CROCC: variants seen among roughly 807,000 people sequenced by gnomAD.
The protein encoded by CROCC is rootletin.
CROCC carries 180 observed loss-of-function variants against 245.2 expected under a neutral mutation model. The ratio of observed to expected loss-of-function variants is 0.73; its 90% CI spans 0.65 to 0.83. The LOEUF is 0.83. Ranked by LOEUF, CROCC falls within the 40% of genes least tolerant of loss-of-function variation. The pLI is 0.00. For missense variants in CROCC, 2,688 were observed against 2,779.4 expected (o/e 0.97, Z 0.74); for synonymous variants, 1,205 against 1,241.6 (o/e 0.97, Z 0.62).
chr1:16,922,217 T>C, intron 1 of CROCC, 139 bp downstream of exon 1: 1 of 876,424 alleles, frequency 1.1e-6, no homozygotes, highest in Non-Finnish European at 1.7e-6. Context: ...GGCCCCCCGC[T>C]TGCAGTTCCT....
At chr1:16,965,642 A>G in intron 27 of CROCC, 81 bp from the exon 28 acceptor site, 1 of 1,039,614 alleles carries the variant, frequency 9.6e-7, no homozygotes. Context: ...GGCTGTTGGG[A>G]AAGGCAGGGA....
In CROCC at chr1:16,969,878, G is replaced by A; in HGVS notation, c.5395G>A (p.Ala1799Thr). The A allele has an allele frequency of 2.5e-6, 4 of 1,611,230 alleles. No homozygotes were observed. The Admixed American group carries it at 6.7e-5, about 27-fold the overall frequency. ...GGTGCAGACGTTGCGAGGCGAGGTG[G>A]CTGACCTGGAACTGCAGCGGGTGGA... ...EQVQTLRGEV[A>T]DLELQRVEAE... The change falls in exon 33 of 37, where the codon GCT becomes ACT. Residue 1799 changes from alanine (A) to threonine (T), a missense_variant. Around this residue, in one of 9 missense-constraint regions of CROCC, gnomAD observed 1,218 missense variants for 1,286.3 expected, o/e 0.95. Transcript: ENST00000375541.
chr1:16,914,416 C>T (rs2075282518), intron 1 of CROCC, among the ~76,000 whole-genome samples: 2 of 152,252 alleles, frequency 1.3e-5, no homozygotes, highest in Non-Finnish European at 2.9e-5. Context: ...CTCCGCCGGC[C>T]GGGGTCCCCT....
intron 19 of CROCC, among the ~76,000 whole-genome samples, 193 bp from the exon 20 acceptor site, chr1:16,950,759 GC>G (rs2076145594): frequency 6.6e-6 from 1 of 152,226 alleles, no homozygotes; most frequent in East Asian, 1.9e-4. Context: ...AGGGGTCAGG[GC>G]CAGTGGGCCC....
At chr1:16,960,426 A>G (rs2076311417) in intron 26 of CROCC, among the ~76,000 whole-genome samples, 2 of 152,210 alleles carry the variant, frequency 1.3e-5, no homozygotes, top group Non-Finnish European at 2.9e-5. Flanking sequence ...AGTGAGATCG[A>G]TTCATAGAGT....
intron 5 of CROCC, 29 bp downstream of exon 5, chr1:16,930,236 C>A (rs1157454868): frequency 2.5e-6 from 4 of 1,585,922 alleles, no homozygotes; most frequent in Non-Finnish European, 2.6e-6. Flanking sequence ...CAGGGGCAGG[C>A]CCTGCCCTCC....
intron 19 of CROCC, among the ~76,000 whole-genome samples, chr1:16,949,785 T>C (rs546908984): frequency 1.3e-5 from 2 of 152,246 alleles, no homozygotes; most frequent in African/African-American, 2.4e-5. Context: ...TTTGTTTGTT[T>C]TGAGACAGAG....
At chr1:16,923,878 G>A (rs60746836) in intron 2 of CROCC, among the ~76,000 whole-genome samples, 14,468 of 147,142 alleles carry the variant, frequency 0.098, no homozygotes, top group Non-Finnish European at 0.11. Context: ...ACAGGGCTTC[G>A]CCGTGTTGGC....
intron 27 of CROCC, among the ~76,000 whole-genome samples, chr1:16,961,968 C>T (rs746885018): frequency 3.9e-5 from 6 of 152,184 alleles, no homozygotes; most frequent in Non-Finnish European, 8.8e-5. Context: ...CTGCCATATA[C>T]TCCCACATAC....
At chr1:16,914,847 C>T (rs1348758581) in intron 1 of CROCC, among the ~76,000 whole-genome samples, 3 of 152,282 alleles carry the variant, frequency 2.0e-5, no homozygotes, top group African/African-American at 4.8e-5. Context: ...CTTGGGAAGA[C>T]GATTGACTGG....
At chr1:16,927,928 G>A (rs2075572956) in intron 3 of CROCC, among the ~76,000 whole-genome samples, 1 of 152,294 alleles carries the variant, frequency 6.6e-6, no homozygotes, top group Non-Finnish European at 1.5e-5. Context: ...TGGTGGGGCT[G>A]CCATGCACGT....
Position 16,946,751 on chromosome 1 carries a change from T to C in CROCC, c.2284-10T>C, listed in dbSNP as rs1265626267. ...CTGCTCACGAGGCCCCACTCCTACC[T>C]GGCCTCCAGCTGGAGGAAGAAAAGT... On this transcript the variant is annotated splice_polypyrimidine_tract_variant and intron_variant, in intron 16 of 36. Transcript: ENST00000375541. The C allele has an allele frequency of 6.4e-7, 1 of 1,550,554 alleles. No individual in the cohort carries two copies. Among genetic ancestry groups the C allele is most frequent in the Non-Finnish European group, 8.7e-7 (1 of 1,146,422 alleles).
At chr1:16,953,034 G>A (rs2076188754) in intron 20 of CROCC, 1 of 447,616 alleles carries the variant, frequency 2.2e-6, no homozygotes, top group Admixed American at 3.4e-5. Context: ...GCCTGGGGTG[G>A]TCTTTTCTCT....
Position 16,922,644 on chromosome 1 carries a change from C to G in CROCC, c.61-19C>G, listed in dbSNP as rs375504614. On this transcript the variant is annotated intron_variant, in intron 1 of 36. Coordinates refer to ENST00000375541, the MANE Select transcript of CROCC (RefSeq NM_014675.5). ...CCCGGGTCCCATGTCCCCTGAAGAC[C>G]CTCTCGCTTTTCCCACAGACACTGG... 3.1e-5 allele frequency: 50 copies of G among 1,591,052 alleles called. No individual in the cohort carries two copies. Among genetic ancestry groups the G allele is most frequent in the Non-Finnish European group, 4.3e-5 (50 of 1,168,326 alleles).
rs2076407237 is a variant in CROCC at position 16,965,845 on chromosome 1, G to A, written c.4528G>A (p.Ala1510Thr). 1.2e-6 allele frequency: 2 copies of A among 1,613,554 alleles called. No individual in the cohort carries two copies. The highest frequency in any genetic ancestry group is 1.3e-5 in the African/African-American group (1 of 74,946). The change falls in exon 28 of 37, where the codon GCC becomes ACC. Residue 1510 changes from alanine (A) to threonine (T), a missense_variant. Ala to Thr is a moderately conservative substitution (Grantham distance 58, BLOSUM62 0). Around this residue, in one of 9 missense-constraint regions of CROCC, gnomAD observed 1,218 missense variants for 1,286.3 expected, o/e 0.95. Coordinates refer to ENST00000375541, the MANE Select transcript of CROCC (RefSeq NM_014675.5). Reference sequence around the variant, plus strand: ...CCTGGACCCGGAGGCAGTGCGCGGGGCCCTCCGGGAATTCCTGCAAGAGCT... The same window carrying A: ...CCTGGACCCGGAGGCAGTGCGCGGGACCCTCCGGGAATTCCTGCAAGAGCT... ...PDLDPEAVRG[A>T]LREFLQELRS...
intron 24 of CROCC, among the ~76,000 whole-genome samples, chr1:16,955,765 C>T (rs2076240694): frequency 6.6e-6 from 1 of 152,006 alleles, no homozygotes; most frequent in Non-Finnish European, 1.5e-5. Flanking sequence ...AGACTCAGAC[C>T]CACCCACCGT....
chr1:16,967,850 C>T (rs537962073), intron 30 of CROCC, among the ~76,000 whole-genome samples: 1 of 152,302 alleles, frequency 6.6e-6, no homozygotes, highest in South Asian at 2.1e-4. Context: ...TGCATTTCTA[C>T]AGCCCCTCCT....
rs1490093706 is a variant in CROCC, at chr1:16,929,861, C to G, written c.367C>G (p.Arg123Gly). Reference protein sequence around the residue: ...AVSERLEQALRLEPGELETQE... With the variant: ...AVSERLEQALGLEPGELETQE... ...TTCCCTGCAGCTGGAGCAGGCTCTG[C>G]GGCTGGAGCCTGGGGAGCTGGAGAC... is the stretch of plus-strand genomic sequence containing the variant. Residue 123 changes from arginine to glycine, a missense_variant, in exon 4 of 37, where the codon CGG (arginine) becomes GGG (glycine). By Grantham distance (125) the Arg-to-Gly change is moderately radical. Transcript: ENST00000375541. The G allele has an allele frequency of 3.2e-6, 5 of 1,567,106 alleles. No homozygotes were observed. The East Asian group carries it at 1.1e-4, about 36-fold the overall frequency.
Position 16,938,997 on chromosome 1 carries a change from C to T in CROCC, c.1463C>T (p.Ser488Leu), listed in dbSNP as rs754059560. The T allele has an allele frequency of 1.9e-5, 31 of 1,603,976 alleles. 1 individual carries two copies. In the Middle Eastern group the frequency reaches 3.1e-3, roughly 161 times the overall value. The change falls in exon 12 of 37, where the codon TCG (serine) becomes TTG (leucine). Residue 488 changes from serine (S) to leucine (L), a missense_variant. By Grantham distance (145) the Ser-to-Leu change is moderately radical. Coordinates refer to ENST00000375541, the MANE Select transcript of CROCC (RefSeq NM_014675.5). ...DASNGSLRGLSGQRTPSPPRR... is the reference protein window; with the variant it reads ...DASNGSLRGLLGQRTPSPPRR... ...TCCAACGGCAGCCTGCGGGGGCTCT[C>T]GGGCCAGCGGACCCCGTCCCCACCG...
Sources: allele counts gnomAD v4.1 joint callset (sites outside exome capture counted in the v4.1 genomes callset), GRCh38; gene constraint gnomAD v4.1.1; regional missense constraint gnomAD v4.1.1; transcripts MANE v1.5; gene names NCBI Gene and HGNC (gene_info 2026-07-23, HGNC 2026-07-21).